The following ASNS variants were observed in gnomAD, a reference collection of about 807,000 sequenced individuals.
ASNS encodes the protein asparagine synthetase (glutamine-hydrolyzing).
ASNS carries 37 observed loss-of-function variants against 62.6 expected under a neutral mutation model. The observed-to-expected ratio is 0.59, with a 90% CI of 0.45 to 0.78. The LOEUF (loss-of-function observed/expected upper bound fraction) is 0.78. ASNS is among the 30% of genes least tolerant of loss of function. The pLI is 0.00. For missense variants in ASNS, 520 were observed against 682.4 expected (o/e 0.76, Z 2.65); for synonymous variants, 207 against 237.9 (o/e 0.87, Z 1.19).
chr7:97,896,741 CATAT>C, the ASNS span, among the ~76,000 whole-genome samples: 417 of 19,774 alleles, frequency 0.021, 23 homozygotes, highest in Non-Finnish European at 0.036. Flanking sequence ...CACACACACA[CATAT>C]ATATATATAT....
chr7:97,868,754 C>T (rs1326063370), intron 3 of ASNS, among the ~76,000 whole-genome samples, 154 bp downstream of exon 3: 1 of 152,098 alleles, frequency 6.6e-6, no homozygotes, highest in Admixed American at 6.5e-5. Context: ...CCTTTTTATT[C>T]ATCAGTTCCC....
In ASNS at chr7:97,853,217, T is replaced by C; in HGVS notation, c.1321-2A>G. ...CAGGAGATGTTTTTCTATCCCATTC[T>C]GACGTGACAAAAAAAGGAGCATCAG... is the stretch of plus-strand genomic sequence containing the variant. On this transcript the variant is annotated splice_acceptor_variant, in intron 11 of 12. Transcript: ENST00000394308. LOFTEE classifies it high-confidence loss of function. 6.2e-7 allele frequency: 1 copy of C among 1,607,564 alleles called. No individual in the cohort carries two copies. Among genetic ancestry groups the C allele is most frequent in the Non-Finnish European group, 8.5e-7 (1 of 1,176,548 alleles).
At chr7:97,905,814 C>T in the ASNS span, among the ~76,000 whole-genome samples, 7 of 152,298 alleles carry the variant, frequency 4.6e-5, no homozygotes, top group South Asian at 1.0e-3. Context: ...TATTTTGCAC[C>T]GTATATGTGC....
chr7:97,915,085 G>A, the ASNS span, among the ~76,000 whole-genome samples: 1 of 152,198 alleles, frequency 6.6e-6, no homozygotes, highest in African/African-American at 2.4e-5. Flanking sequence ...ACAGACAACT[G>A]TGCTTCAAAT....
chr7:97,920,387 C>T, the ASNS span, among the ~76,000 whole-genome samples: 2 of 151,968 alleles, frequency 1.3e-5, no homozygotes, highest in South Asian at 4.1e-4. Context: ...CAGAGCTGTA[C>T]TCTCAAACCA....
At chr7:97,907,768 C>CAA in the ASNS span, among the ~76,000 whole-genome samples, 253 of 138,376 alleles carry the variant, frequency 1.8e-3, 1 homozygote, top group East Asian at 0.011. Context: ...GACTCCATCT[C>CAA]AAAAAAAAAA....
chr7:97,888,550 A>C, the ASNS span, among the ~76,000 whole-genome samples: 1 of 152,222 alleles, frequency 6.6e-6, no homozygotes, highest in Non-Finnish European at 1.5e-5. Flanking sequence ...GAGGTTATCT[A>C]GACCAAAAGC....
chr7:97,906,395 C>A, the ASNS span: 2 of 293,316 alleles, frequency 6.8e-6, no homozygotes, highest in Non-Finnish European at 1.3e-5. Context: ...ATGGCCTCAA[C>A]TACCCTCCAA....
the ASNS span, among the ~76,000 whole-genome samples, chr7:97,883,490 C>T: frequency 6.6e-6 from 1 of 152,134 alleles, no homozygotes; most frequent in Non-Finnish European, 1.5e-5. Flanking sequence ...CCGTTCACTG[C>T]TCAGCCACTC....
chr7:97,919,969 T>C, the ASNS span, among the ~76,000 whole-genome samples: 2,085 of 152,042 alleles, frequency 0.014, 39 homozygotes, highest in African/African-American at 0.048. Context: ...TCCTGGCTAC[T>C]GCCCCACAGC....
chr7:97,888,248 A>T, the ASNS span, among the ~76,000 whole-genome samples: 1 of 152,056 alleles, frequency 6.6e-6, no homozygotes, highest in East Asian at 1.9e-4. Flanking sequence ...TGCTAGGATT[A>T]TAGGCATGAG....
Position 97,858,322 on chromosome 7 carries a change from C to A in ASNS, c.859G>T (p.Ala287Ser). 2 of 1,613,888 alleles carry A rather than the reference C, an allele frequency of 1.2e-6. No homozygotes were observed. Among genetic ancestry groups the A allele is most frequent in the Non-Finnish European group, 1.7e-6 (2 of 1,180,016 alleles). The change falls in exon 7 of 13, where the codon GCA becomes TCA. Residue 287 changes from alanine to serine, a missense_variant. Transcript: ENST00000394308. ...TCGGGGCTGTCTTCCATGCCAATTG[C>A]AAATGTCTGGAGAGGATACTGTACT... ...AQVQYPLQTF[A>S]IGMEDSPDLL...
chr7:97,870,185 C>T (rs1008010044), intron 1 of ASNS: 2 of 970,480 alleles, frequency 2.1e-6, no homozygotes, highest in African/African-American at 1.7e-5. Flanking sequence ...CATTTGGGCC[C>T]TGTTTGGCAG....
chr7:97,923,945 G>T, the ASNS span, among the ~76,000 whole-genome samples: 1 of 152,188 alleles, frequency 6.6e-6, no homozygotes, highest in African/African-American at 2.4e-5. Context: ...CCTGTCCCTT[G>T]AGTTCTGTGT....
At chr7:97,857,676 G>T (rs891980299) in intron 7 of ASNS, among the ~76,000 whole-genome samples, 4 of 151,086 alleles carry the variant, frequency 2.6e-5, no homozygotes, top group Admixed American at 1.3e-4. Context: ...TCAAGATGGG[G>T]TCTTGCTACG....
At chr7:97,899,023 A>G in the ASNS span, 43 of 698,214 alleles carry the variant, frequency 6.2e-5, 1 homozygote, top group South Asian at 6.5e-4. Flanking sequence ...AGGTGCTTTC[A>G]CATCATACTG....
intron 8 of ASNS, among the ~76,000 whole-genome samples, chr7:97,856,378 A>G (rs1791436248): frequency 6.6e-6 from 1 of 152,214 alleles, no homozygotes; most frequent in African/African-American, 2.4e-5. Context: ...CTCACTGTAT[A>G]TAGACTGTAG....
intron 12 of ASNS, 107 bp downstream of exon 12, chr7:97,852,953 T>C (rs1324996694): frequency 1.2e-5 from 13 of 1,095,298 alleles, no homozygotes; most frequent in Middle Eastern, 3.1e-4. Flanking sequence ...ACATGTATCA[T>C]TCAAACTAAA....
At chr7:97,893,007 C>T in the ASNS span, among the ~76,000 whole-genome samples, 36 of 152,244 alleles carry the variant, frequency 2.4e-4, no homozygotes, top group Non-Finnish European at 4.7e-4. Flanking sequence ...GATAAAGACA[C>T]ATTCAAGACT....
Sources: allele counts gnomAD v4.1 joint callset (sites outside exome capture counted in the v4.1 genomes callset), GRCh38; gene constraint gnomAD v4.1.1; transcripts MANE v1.5; gene names NCBI Gene and HGNC (gene_info 2026-07-23, HGNC 2026-07-21).